Variants in LRRC4C observed in about 807,000 individuals in gnomAD.
LRRC4C encodes the protein leucine rich repeat containing 4C.
In LRRC4C, 5 loss-of-function variants were observed where a neutral mutation model predicts 33.6. The observed-to-expected ratio is 0.15, with a 90% CI of 0.08 to 0.31. The LOEUF is 0.31. LRRC4C is among the 10% of genes least tolerant of loss of function. LRRC4C has a pLI of 1.00. For missense variants in LRRC4C, 560 were observed against 796.7 expected (o/e 0.70, Z 3.58); for synonymous variants, 329 against 302.0 (o/e 1.09, Z -0.93).
intron 2 of LRRC4C, among the ~76,000 whole-genome samples, chr11:40,767,166 T>C (rs1949514838): frequency 6.6e-6 from 1 of 151,788 alleles, no homozygotes; most frequent in African/African-American, 2.4e-5. Flanking sequence ...GCCCCAAAAA[T>C]AGCAGGAGTA....
chr11:40,406,243 G>A (rs1949959792), intron 3 of LRRC4C, among the ~76,000 whole-genome samples: 1 of 151,978 alleles, frequency 6.6e-6, no homozygotes. Context: ...CTGACTAAAT[G>A]CTACTCAGTC....
chr11:40,490,178 T>A (rs2138505115), intron 3 of LRRC4C, among the ~76,000 whole-genome samples: 1 of 152,350 alleles, frequency 6.6e-6, no homozygotes, highest in South Asian at 2.1e-4. Flanking sequence ...CTCCATCTAA[T>A]ATTCAGTCCC....
At chr11:41,073,078 C>T (rs1220401643) in intron 1 of LRRC4C, among the ~76,000 whole-genome samples, 3 of 152,248 alleles carry the variant, frequency 2.0e-5, no homozygotes, top group African/African-American at 7.2e-5. Context: ...CTGTGCATCA[C>T]CTTTTAGCAG....
intron 4 of LRRC4C, among the ~76,000 whole-genome samples, chr11:40,318,957 A>G (rs1752992971): frequency 6.6e-6 from 1 of 152,124 alleles, no homozygotes; most frequent in Non-Finnish European, 1.5e-5. Flanking sequence ...AGCAGGGAAA[A>G]TCTCATTCCT....
Position 40,987,664 on chromosome 11 carries a change from G to T in LRRC4C, c.-495-53941C>A, listed in dbSNP as rs1366792404. On this transcript the variant is annotated intron_variant, in intron 1 of 6. Coordinates refer to ENST00000528697, the MANE Select transcript of LRRC4C (RefSeq NM_001258419.2). ...ATATATATATATATCTCATATATAT[G>T]AGATATAAATGATATATATATATAT... is the stretch of plus-strand genomic sequence containing the variant. 1.7e-3 allele frequency among the ~76,000 whole-genome samples: 107 copies of T among 64,742 alleles called. 1 individual carries two copies. The highest frequency in any genetic ancestry group is 0.011 in the South Asian group (15 of 1,324). The allele number at this position is 64,742 out of a possible 152,430, so 42.5% of individuals were successfully genotyped here.
chr11:40,282,651 C>A (rs987152303), intron 4 of LRRC4C, among the ~76,000 whole-genome samples: 1 of 152,072 alleles, frequency 6.6e-6, no homozygotes, highest in Non-Finnish European at 1.5e-5. Flanking sequence ...AACACAAATA[C>A]TCCAGTTCAA....
chr11:40,472,236 T>A (rs1952979813), intron 3 of LRRC4C, among the ~76,000 whole-genome samples: 2 of 151,552 alleles, frequency 1.3e-5, no homozygotes, highest in Admixed American at 1.3e-4. Context: ...GCCGAGATTG[T>A]CCCACTGCAC....
chr11:40,804,029 T>G (rs2135313933), intron 2 of LRRC4C, among the ~76,000 whole-genome samples: 1 of 152,356 alleles, frequency 6.6e-6, no homozygotes, highest in East Asian at 1.9e-4. Flanking sequence ...TACTGCTGCC[T>G]AAAAATCAAA....
rs13328899 is a variant in LRRC4C, at chr11:40,213,085, G to A, written c.-96+28434C>T. On this transcript the variant is annotated intron_variant, in intron 5 of 6. Coordinates refer to ENST00000528697, the MANE Select transcript of LRRC4C (RefSeq NM_001258419.2). ...CTTTTAACAAAAGGACCATAACTTC[G>A]GAGCAAAACTCAACTTAGAGCCACA... 2.0e-4 allele frequency among the ~76,000 whole-genome samples: 30 copies of A among 152,086 alleles called. No homozygotes were observed. In the South Asian group the frequency reaches 2.7e-3, roughly 14 times the overall value.
intron 2 of LRRC4C, among the ~76,000 whole-genome samples, chr11:40,817,478 T>A (rs529989805): frequency 6.6e-6 from 1 of 152,278 alleles, no homozygotes; most frequent in African/African-American, 2.4e-5. Context: ...CAAGACATAG[T>A]CCACCTGTCT....
In LRRC4C at chr11:40,175,258, CA is replaced by C; in HGVS notation, c.-95-34406del. On this transcript the variant is annotated intron_variant, in intron 5 of 6. Coordinates refer to ENST00000528697, the MANE Select transcript of LRRC4C (RefSeq NM_001258419.2). ...AAATTCATCACTAAAAGAGAATTCA[CA>C]AAGTTGTATAGATAACCTAAATAAT... Among the ~76,000 whole-genome samples, 7 of 152,332 alleles carry C rather than the reference CA, an allele frequency of 4.6e-5. No individual in the cohort carries two copies. The South Asian group carries it at 1.4e-3, about 32-fold the overall frequency.
At chr11:40,157,070 T>C (rs1858759286) in intron 5 of LRRC4C, among the ~76,000 whole-genome samples, 1 of 152,018 alleles carries the variant, frequency 6.6e-6, no homozygotes, top group African/African-American at 2.4e-5. Context: ...AATAGGCACA[T>C]AGACGAATGC....
chr11:41,079,463 T>A (rs1476840620), intron 1 of LRRC4C, among the ~76,000 whole-genome samples: 1 of 152,166 alleles, frequency 6.6e-6, no homozygotes, highest in Non-Finnish European at 1.5e-5. Context: ...CCCAATAAAT[T>A]AAAAAATCTT....
At chr11:40,452,148 A>G (rs1286547852) in intron 3 of LRRC4C, among the ~76,000 whole-genome samples, 1 of 152,164 alleles carries the variant, frequency 6.6e-6, no homozygotes, top group African/African-American at 2.4e-5. Context: ...AAACCACAAA[A>G]GCAATGGCAA....
intron 1 of LRRC4C, among the ~76,000 whole-genome samples, chr11:41,377,152 T>C (rs1952966114): frequency 6.6e-6 from 1 of 152,186 alleles, no homozygotes; most frequent in Admixed American, 6.5e-5. Context: ...AAAGTACATG[T>C]GAAATTATTT....
At chr11:40,849,926 T>C (rs1953396539) in intron 2 of LRRC4C, among the ~76,000 whole-genome samples, 1 of 151,590 alleles carries the variant, frequency 6.6e-6, no homozygotes, top group African/African-American at 2.4e-5. Flanking sequence ...CATTTGGCTG[T>C]TGATATTTCT....
intron 5 of LRRC4C, among the ~76,000 whole-genome samples, chr11:40,229,852 T>A (rs947186338): frequency 6.6e-6 from 1 of 152,192 alleles, no homozygotes; most frequent in Admixed American, 6.5e-5. Context: ...AATAAATGAC[T>A]CTTCAAAGAC....
At chr11:40,189,384 A>G (rs968287334) in intron 5 of LRRC4C, among the ~76,000 whole-genome samples, 2 of 152,120 alleles carry the variant, frequency 1.3e-5, no homozygotes, top group East Asian at 1.9e-4. Flanking sequence ...TTGGCCTTAC[A>G]TAGATTCCCT....
At chr11:40,981,777 A>G (rs1852559310) in intron 1 of LRRC4C, among the ~76,000 whole-genome samples, 1 of 152,178 alleles carries the variant, frequency 6.6e-6, no homozygotes, top group Non-Finnish European at 1.5e-5. Flanking sequence ...AACAAAAGTC[A>G]ATTTTTTAAA....
Sources: allele counts gnomAD v4.1 joint callset (sites outside exome capture counted in the v4.1 genomes callset), GRCh38; gene constraint gnomAD v4.1.1; transcripts MANE v1.5; gene names NCBI Gene and HGNC (gene_info 2026-07-23, HGNC 2026-07-21).